GRM8: variants seen among roughly 807,000 people sequenced by gnomAD.
The protein encoded by GRM8 is metabotropic glutamate receptor 8.
GRM8 carries 47 observed loss-of-function variants against 87.2 expected under a neutral mutation model. The observed-to-expected ratio is 0.54, with a 90% CI of 0.43 to 0.69. The LOEUF is 0.69. GRM8 is among the 30% of genes least tolerant of loss of function. GRM8 has a pLI of 0.00. For synonymous variants in GRM8, 396 were observed against 404.5 expected (o/e 0.98, Z 0.25); for missense variants, 1,019 against 1,139.2 (o/e 0.89, Z 1.52).
chr7:126,906,475 C>T (rs1212761198), intron 3 of GRM8, among the ~76,000 whole-genome samples: 1 of 152,154 alleles, frequency 6.6e-6, no homozygotes, highest in Admixed American at 6.5e-5. Flanking sequence ...TGCCACCACA[C>T]CGCACTGGTC....
At chr7:127,105,880 A>G (rs775521162) in intron 3 of GRM8, among the ~76,000 whole-genome samples, 2 of 152,242 alleles carry the variant, frequency 1.3e-5, no homozygotes, top group Non-Finnish European at 2.9e-5. Context: ...TAAAATGCCT[A>G]GACACTTGGA....
At chr7:126,828,074 G>A (rs1292875471) in intron 6 of GRM8, among the ~76,000 whole-genome samples, 1 of 152,118 alleles carries the variant, frequency 6.6e-6, no homozygotes, top group Non-Finnish European at 1.5e-5. Flanking sequence ...ACTTGATCAT[G>A]GTGGATAAGC....
intron 6 of GRM8, among the ~76,000 whole-genome samples, chr7:126,800,429 T>C (rs987345966): frequency 6.6e-6 from 1 of 152,148 alleles, no homozygotes; most frequent in South Asian, 2.1e-4. Context: ...TTTATAACTG[T>C]AATGCAGCCA....
chr7:127,117,799 G>A (rs2133162904), intron 2 of GRM8, among the ~76,000 whole-genome samples: 1 of 152,168 alleles, frequency 6.6e-6, no homozygotes, highest in East Asian at 1.9e-4. Context: ...TCACTGCTGT[G>A]GTTCAATTTT....
At chr7:126,551,631 A>G (rs1004300602) in intron 8 of GRM8, among the ~76,000 whole-genome samples, 8 of 151,864 alleles carry the variant, frequency 5.3e-5, no homozygotes, top group African/African-American at 1.5e-4. Flanking sequence ...TTTCTTCTTG[A>G]TTCTCCAATT....
intron 7 of GRM8, among the ~76,000 whole-genome samples, chr7:126,692,083 G>C (rs570850155): frequency 4.6e-5 from 7 of 152,152 alleles, no homozygotes; most frequent in Non-Finnish European, 7.4e-5. Flanking sequence ...TGAAAAGAAA[G>C]AGAACTGGAG....
chr7:127,211,656 G>T (rs1326893966), intron 2 of GRM8, among the ~76,000 whole-genome samples: 1 of 152,120 alleles, frequency 6.6e-6, no homozygotes. Context: ...TCATGGCTGG[G>T]ATTACTGCCC....
At chr7:126,559,705 C>T (rs1292460508) in intron 8 of GRM8, among the ~76,000 whole-genome samples, 1 of 152,168 alleles carries the variant, frequency 6.6e-6, no homozygotes, top group Non-Finnish European at 1.5e-5. Context: ...TCAATTGATT[C>T]TGTAAGTCCT....
At chr7:126,597,255 T>G (rs1213456134) in intron 8 of GRM8, among the ~76,000 whole-genome samples, 1 of 152,092 alleles carries the variant, frequency 6.6e-6, no homozygotes, top group African/African-American at 2.4e-5. Flanking sequence ...TTTGATTCAG[T>G]CAATAAACAT....
chr7:126,668,646 CA>C (rs1563075767), intron 7 of GRM8, among the ~76,000 whole-genome samples: 1 of 152,218 alleles, frequency 6.6e-6, no homozygotes, highest in African/African-American at 2.4e-5. Context: ...TCAGCTCCAT[CA>C]GACAGTAAAT....
In GRM8 at chr7:126,634,002, T is replaced by A. The variant is rs548513018; in HGVS notation, c.1358-24504A>T. On this transcript the variant is annotated intron_variant, in intron 7 of 10. Coordinates refer to ENST00000339582, the MANE Select transcript of GRM8 (RefSeq NM_000845.3). ...TATGCTTTCAATGTAATTTTATAGATTTTATTAGTATATTAGTTATCTTTT... is the reference window on the plus strand; with the variant it reads ...TATGCTTTCAATGTAATTTTATAGAATTTATTAGTATATTAGTTATCTTTT... Among the ~76,000 whole-genome samples the A allele has an allele frequency of 8.7e-4, 133 of 152,194 alleles. 1 individual carries two copies. Among genetic ancestry groups the A allele is most frequent in the Non-Finnish European group, 1.7e-3 (113 of 67,986 alleles).
intron 6 of GRM8, among the ~76,000 whole-genome samples, chr7:126,883,227 G>T (rs1428881091): frequency 1.3e-5 from 2 of 152,286 alleles, no homozygotes; most frequent in African/African-American, 4.8e-5. Context: ...GCTTAGGCCT[G>T]ATTTTCCTGG....
At chr7:126,489,258 A>G (rs1470387477) in intron 9 of GRM8, among the ~76,000 whole-genome samples, 2 of 152,078 alleles carry the variant, frequency 1.3e-5, no homozygotes, top group Non-Finnish European at 2.9e-5. Flanking sequence ...TGTAGTAATC[A>G]AATGCAATCT....
chr7:126,510,851 G>A (rs1425594027), intron 9 of GRM8, among the ~76,000 whole-genome samples: 1 of 152,096 alleles, frequency 6.6e-6, no homozygotes, highest in Non-Finnish European at 1.5e-5. Flanking sequence ...GCACATATTT[G>A]TGAAATATTT....
At chr7:127,009,233 T>C (rs1381042925) in intron 3 of GRM8, among the ~76,000 whole-genome samples, 1 of 152,138 alleles carries the variant, frequency 6.6e-6, no homozygotes, top group Admixed American at 6.6e-5. Flanking sequence ...TAGAGTGATC[T>C]TTATCAACAT....
chr7:126,755,429 C>A (rs796600551), intron 7 of GRM8, among the ~76,000 whole-genome samples: 3 of 151,866 alleles, frequency 2.0e-5, no homozygotes, highest in Admixed American at 6.6e-5. Context: ...TTTTTGCAGA[C>A]GGCTGATGTC....
intron 3 of GRM8, among the ~76,000 whole-genome samples, chr7:126,924,249 A>G (rs980633658): frequency 2.0e-5 from 3 of 152,224 alleles, no homozygotes; most frequent in African/African-American, 7.2e-5. Flanking sequence ...TGAAAGAAAT[A>G]AAAGGTATTG....
intron 7 of GRM8, among the ~76,000 whole-genome samples, chr7:126,725,900 G>C (rs1036654978): frequency 6.6e-6 from 1 of 152,122 alleles, no homozygotes; most frequent in African/African-American, 2.4e-5. Flanking sequence ...TCAAGAGCGA[G>C]AGCTCACGTG....
intron 9 of GRM8, among the ~76,000 whole-genome samples, chr7:126,524,609 T>C (rs1477365252): frequency 6.6e-6 from 1 of 152,210 alleles, no homozygotes; most frequent in African/African-American, 2.4e-5. Context: ...TCTTTGTCTC[T>C]GTTTCCTCTT....
Sources: allele counts gnomAD v4.1 joint callset (sites outside exome capture counted in the v4.1 genomes callset), GRCh38; gene constraint gnomAD v4.1.1; transcripts MANE v1.5; gene names NCBI Gene and HGNC (gene_info 2026-07-23, HGNC 2026-07-21).